Variants in TPM1 observed in about 807,000 individuals in gnomAD.
TPM1 encodes the protein tropomyosin 1, also known as tropomyosin alpha-1 chain.
Under a neutral mutation model 42.9 loss-of-function variants are expected in TPM1, and 24 were observed. That is an observed-to-expected ratio of 0.56 (90% CI 0.41 to 0.79). The LOEUF (loss-of-function observed/expected upper bound fraction) is 0.79. Among genes scored for constraint, TPM1 ranks in the 30% least tolerant of loss-of-function variants. The pLI is 0.00. For synonymous variants in TPM1, 136 were observed against 130.1 expected (o/e 1.05, Z -0.31); for missense variants, 158 against 351.8 (o/e 0.45, Z 4.41).
intron 2 of TPM1, chr15:63,048,931 C>G: frequency 4.7e-6 from 3 of 638,200 alleles, no homozygotes; most frequent in Non-Finnish European, 8.3e-6. Flanking sequence ...GTAAACGCTC[C>G]CAGGGGAAAC....
chr15:63,049,051 G>C (rs2033247686), intron 2 of TPM1: 1 of 319,314 alleles, frequency 3.1e-6, no homozygotes, highest in Non-Finnish European at 6.0e-6. Context: ...ACTTTGCGCT[G>C]CTGGCTTGCT....
At chr15:63,056,772 T>G in intron 2 of TPM1, 1 of 644,584 alleles carries the variant, frequency 1.6e-6, no homozygotes, top group East Asian at 2.7e-5. Flanking sequence ...TGTATAGATT[T>G]GTGTATACAC....
At chr15:63,056,760 TG>T (rs2034861386) in intron 2 of TPM1, 4 of 601,740 alleles carry the variant, frequency 6.6e-6, no homozygotes, top group African/African-American at 3.7e-5. Context: ...ATGAGAATTG[TG>T]TGTATAGATT....
At chr15:63,053,942 G>A (rs1379166309) in intron 2 of TPM1, among the ~76,000 whole-genome samples, 2 of 151,958 alleles carry the variant, frequency 1.3e-5, no homozygotes, top group Admixed American at 1.3e-4. Flanking sequence ...GCCTCCCAAA[G>A]TGCTGGGATT....
chr15:63,060,072 CACAG>C (rs1174335149), intron 4 of TPM1: 2 of 259,916 alleles, frequency 7.7e-6, no homozygotes, highest in Non-Finnish European at 1.5e-5. Flanking sequence ...GCTTAGAGAC[CACAG>C]ACAGTTTCTC....
intron 3 of TPM1, 22 bp downstream of exon 3, chr15:63,057,140 T>C (rs1251126856): frequency 1.2e-6 from 2 of 1,613,612 alleles, no homozygotes; most frequent in Non-Finnish European, 8.5e-7. Context: ...TCATCAGCCA[T>C]CTTTTGCAGC....
At chr15:63,061,173 G>T in intron 5 of TPM1, 1 of 1,612,598 alleles carries the variant, frequency 6.2e-7, no homozygotes. Flanking sequence ...GAATGGCCTT[G>T]TGCATTTCCT....
At chr15:63,064,216 C>T (rs560389234) in intron 9 of TPM1, 74 bp downstream of exon 9, 15 of 1,568,856 alleles carry the variant, frequency 9.6e-6, no homozygotes, top group Non-Finnish European at 1.0e-5. Flanking sequence ...CCATGCCTTC[C>T]TTGCTCCCTA....
intron 2 of TPM1, chr15:63,044,818 G>A (rs774790991): frequency 2.5e-4 from 39 of 155,926 alleles, no homozygotes; most frequent in Non-Finnish European, 3.8e-4. Context: ...TGCTTTATAT[G>A]GTATAGTGAG....
At chr15:63,061,141 CT>C in intron 5 of TPM1, 1 of 1,571,914 alleles carries the variant, frequency 6.4e-7, no homozygotes, top group Non-Finnish European at 8.8e-7. Flanking sequence ...CACTGCATGC[CT>C]TACCTGCACA....
At position 63,051,275 on chromosome 15, in the gene TPM1, TTA is replaced by T. The variant is rs1452356041; in HGVS notation, c.241-5709_241-5708del. Among the ~76,000 whole-genome samples the T allele has an allele frequency of 5.3e-5, 8 of 152,332 alleles. No homozygotes were observed. The East Asian group carries it at 1.5e-3, about 29-fold the overall frequency. ...CAAAAATTCCCAGCACTTTCCCTCTTTACACTTGGTAAGTATTTCCGGGATAG... is the reference window on the plus strand; with the variant it reads ...CAAAAATTCCCAGCACTTTCCCTCTTCACTTGGTAAGTATTTCCGGGATAG... On this transcript the variant is annotated intron_variant, in intron 2 of 9. Transcript: ENST00000403994.
chr15:63,057,424 G>A (rs746555800), intron 3 of TPM1, among the ~76,000 whole-genome samples: 9 of 152,186 alleles, frequency 5.9e-5, no homozygotes, highest in Non-Finnish European at 1.2e-4. Context: ...AGGGATACAA[G>A]TTGGCCCTTT....
intron 1 of TPM1, 183 bp downstream of exon 1, chr15:63,043,126 C>G (rs113902220): frequency 1.1e-5 from 7 of 610,130 alleles, no homozygotes; most frequent in Non-Finnish European, 1.7e-5. Flanking sequence ...CTTAGTCTAA[C>G]TTAGTCTGGT....
exon 9 of TPM1, chr15:63,071,541 G>C: frequency 3.0e-6 from 1 of 330,894 alleles, no homozygotes; most frequent in South Asian, 2.6e-5. Flanking sequence ...GTGCTACTTT[G>C]AACAAAAGGT....
At chr15:63,070,628 T>G, downstream of TPM1, 1 of 1,005,316 alleles carries the variant, frequency 9.9e-7, no homozygotes, top group Non-Finnish European at 1.2e-6. Context: ...TTTTAAAAGT[T>G]CTCAGAAAAC....
chr15:63,045,030 T>G (rs946900092), intron 2 of TPM1: 2 of 152,156 alleles, frequency 1.3e-5, no homozygotes, highest in African/African-American at 4.8e-5. Flanking sequence ...TTCACACCGT[T>G]GGATTCCATT....
intron 2 of TPM1, chr15:63,048,953 AGAAGGTTCTG>A (rs2033216475): frequency 1.7e-6 from 1 of 584,468 alleles, no homozygotes; most frequent in African/African-American, 2.0e-5. Flanking sequence ...GGTGGTGTTG[AGAAGGTTCTG>A]GAAGGAGCAT....
chr15:63,070,257 T>C, downstream of TPM1: 8 of 1,167,656 alleles, frequency 6.9e-6, no homozygotes, highest in Non-Finnish European at 8.6e-6. Flanking sequence ...ATGTTTTCTA[T>C]TTCCTGACAG....
chr15:63,063,115 C>G, intron 8 of TPM1: 1 of 978,716 alleles, frequency 1.0e-6, no homozygotes, highest in Non-Finnish European at 1.2e-6. Flanking sequence ...TACTTTATAT[C>G]CTGAAGGAGG....
Sources: gnomAD v4.1 joint callset for allele counts (sites outside exome capture counted in the v4.1 genomes callset) on GRCh38, gnomAD v4.1.1 for gene constraint, MANE v1.5 for transcripts, NCBI Gene and HGNC (gene_info 2026-07-23, HGNC 2026-07-21) for gene names.